The following ARHGEF10L variants were observed in gnomAD, a reference collection of about 807,000 sequenced individuals.
ARHGEF10L encodes rho guanine nucleotide exchange factor 10-like protein.
In ARHGEF10L, 69 loss-of-function variants were observed where a neutral mutation model predicts 141.2. The observed-to-expected ratio is 0.49, with a 90% CI of 0.40 to 0.60. ARHGEF10L has a LOEUF of 0.60. ARHGEF10L is among the 20% of genes least tolerant of loss of function. ARHGEF10L has a pLI of 0.00. For missense variants in ARHGEF10L, 1,482 were observed against 1,734.3 expected, an observed-to-expected ratio of 0.85 and a Z score of 2.58; for synonymous variants, 711 against 718.5, an observed-to-expected ratio of 0.99 and a Z score of 0.17.
the ARHGEF10L span, among the ~76,000 whole-genome samples, chr1:17,518,396 T>C: frequency 1.3e-5 from 2 of 152,106 alleles, no homozygotes; most frequent in East Asian, 1.9e-4. Context: ...GCAGAGCAAG[T>C]GTGTGTGGTT....
intron 4 of ARHGEF10L, among the ~76,000 whole-genome samples, chr1:17,589,973 G>A (rs2079392103): frequency 6.6e-6 from 1 of 152,108 alleles, no homozygotes. Context: ...TGGCAGAGGG[G>A]CAGGGGGAGT....
intron 4 of ARHGEF10L, among the ~76,000 whole-genome samples, chr1:17,596,936 A>T (rs1570746459): frequency 6.6e-6 from 1 of 151,966 alleles, no homozygotes; most frequent in South Asian, 2.1e-4. Flanking sequence ...ACGGGGACCT[A>T]CCCCTCCCTG....
Position 17,625,128 on chromosome 1 carries a change from G to A in ARHGEF10L, c.1317+625G>A, listed in dbSNP as rs1279923310. On this transcript the variant is annotated intron_variant, in intron 13 of 28. Transcript: ENST00000361221. This position sits in a 1 kb window ranked among gnomAD's most constrained non-coding sequence, Gnocchi z 4.5. ...CACGGCCTCAGTGGAGGAACCCACT[G>A]TCCCCATCAAAGAGAACAGGGGATC... Among the ~76,000 whole-genome samples, 2 of 152,222 alleles carry A rather than the reference G, an allele frequency of 1.3e-5. No homozygotes were observed. Among genetic ancestry groups the A allele is most frequent in the African/African-American group, 4.8e-5 (2 of 41,458 alleles).
At chr1:17,642,266 C>A (rs1002533402) in intron 21 of ARHGEF10L, among the ~76,000 whole-genome samples, 14 of 152,116 alleles carry the variant, frequency 9.2e-5, no homozygotes, top group African/African-American at 2.7e-4. Context: ...TCAGAAGCTG[C>A]ACAAATATCT....
chr1:17,545,746 C>T (rs1183798332), intron 1 of ARHGEF10L, among the ~76,000 whole-genome samples: 1 of 152,170 alleles, frequency 6.6e-6, no homozygotes, highest in Non-Finnish European at 1.5e-5. Flanking sequence ...CAGACGGTTG[C>T]TCTTGTACAT....
chr1:17,638,793 G>A, intron 20 of ARHGEF10L, 104 bp downstream of exon 20: 2 of 1,520,978 alleles, frequency 1.3e-6, no homozygotes, highest in South Asian at 1.3e-5. Context: ...TTGTCGAGAT[G>A]CCATGGTGGG....
intron 22 of ARHGEF10L, among the ~76,000 whole-genome samples, chr1:17,650,339 A>G (rs1038044001): frequency 6.6e-6 from 1 of 152,112 alleles, no homozygotes; most frequent in Non-Finnish European, 1.5e-5. Flanking sequence ...GCTTGAGCCC[A>G]GGAGGTTGAG....
chr1:17,538,511 A>G (rs2076614033), upstream of ARHGEF10L, among the ~76,000 whole-genome samples: 2 of 152,138 alleles, frequency 1.3e-5, no homozygotes, highest in South Asian at 4.1e-4. Flanking sequence ...CAAACCAACA[A>G]GTCGGTGAAT....
In ARHGEF10L at chr1:17,656,598, T is replaced by C. The variant is rs772221213; in HGVS notation, c.2750T>C (p.Val917Ala). The C allele has an allele frequency of 1.9e-6, 3 of 1,613,124 alleles. No individual in the cohort carries two copies. The highest frequency in any genetic ancestry group is 2.5e-6 in the Non-Finnish European group (3 of 1,179,864). The stretch of plus-strand genomic sequence containing the variant: ...GTGGACACTGGCACCCAGTGCCTGG[T>C]GAGCTGCAGGAGCCCAGGTCTGCAG... ...SSVDTGTQCL[V>A]SCRSPGLQPV... The change falls in exon 25 of 29, where the codon GTG becomes GCG. Residue 917 changes from valine to alanine, a missense_variant. Around this residue, in one of 3 missense-constraint regions of ARHGEF10L, gnomAD observed 858 missense variants for 966.3 expected, o/e 0.89. Coordinates refer to ENST00000361221, the MANE Select transcript of ARHGEF10L (RefSeq NM_018125.4). The surrounding 1 kb of genome is among the most constrained non-coding windows in gnomAD (Gnocchi z 4.9).
At position 17,687,660 on chromosome 1, in the gene ARHGEF10L, G is replaced by A. The variant is rs546319677; in HGVS notation, c.3097G>A (p.Gly1033Ser). The A allele has an allele frequency of 6.2e-6, 10 of 1,612,524 alleles. No homozygotes were observed. The highest frequency in any genetic ancestry group is 2.7e-5 in the African/African-American group (2 of 74,984). The change falls in exon 27 of 29, where the codon GGC (glycine) becomes AGC (serine). Residue 1033 changes from glycine to serine, a missense_variant. Transcript: ENST00000361221. ...GSGVWMAFSS[G>S]TSIRLFHTET... ...CGGCGTCTGGATGGCCTTCTCCTCC[G>A]GCACCTCCATCCGCCTCTTCCACAC... is the stretch of plus-strand genomic sequence containing the variant.
At chr1:17,552,582 T>G (rs367646555) in intron 1 of ARHGEF10L, among the ~76,000 whole-genome samples, 12,176 of 112,742 alleles carry the variant, frequency 0.11, 547 homozygotes, top group Middle Eastern at 0.16. Flanking sequence ...TTTTTTTTTT[T>G]TTTTTTTTTT....
the ARHGEF10L span, among the ~76,000 whole-genome samples, chr1:17,522,945 C>G: frequency 3.9e-5 from 6 of 152,140 alleles, no homozygotes; most frequent in Non-Finnish European, 7.3e-5. Flanking sequence ...ACCACTAATA[C>G]TAGTCATGTT....
rs2063451855 is a variant in ARHGEF10L, at chr1:17,673,405, C to G, written c.3009+8810C>G. On this transcript the variant is annotated intron_variant, in intron 26 of 28. Coordinates refer to ENST00000361221, the MANE Select transcript of ARHGEF10L (RefSeq NM_018125.4). This position sits in a 1 kb window ranked among gnomAD's most constrained non-coding sequence, Gnocchi z 4.1. Reference sequence around the variant, plus strand: ...AGTCCTTTTGGAACTTGGCAAGGAACAAATAGAGCCATGGACATGGATCCG... The same window carrying G: ...AGTCCTTTTGGAACTTGGCAAGGAAGAAATAGAGCCATGGACATGGATCCG... Among the ~76,000 whole-genome samples, 1 of 152,172 alleles carries G rather than the reference C, an allele frequency of 6.6e-6. No homozygotes were observed. Among genetic ancestry groups the G allele is most frequent in the South Asian group, 2.1e-4 (1 of 4,832 alleles).
intron 25 of ARHGEF10L, among the ~76,000 whole-genome samples, chr1:17,659,268 G>A (rs1490841586): frequency 6.6e-6 from 1 of 152,150 alleles, no homozygotes; most frequent in Non-Finnish European, 1.5e-5. Context: ...TGGCCAAGGA[G>A]GCCCCTGAGA....
intron 22 of ARHGEF10L, among the ~76,000 whole-genome samples, chr1:17,650,562 GTC>G (rs1268393091): frequency 6.6e-6 from 1 of 152,042 alleles, no homozygotes; most frequent in Non-Finnish European, 1.5e-5. Flanking sequence ...GTGAAACCCT[GTC>G]TCTACCAAAA....
In ARHGEF10L at chr1:17,627,907, C is replaced by G. The variant is rs987022421; in HGVS notation, c.1584+404C>G. Among the ~76,000 whole-genome samples the G allele has an allele frequency of 6.6e-6, 1 of 152,064 alleles. No homozygotes were observed. Among genetic ancestry groups the G allele is most frequent in the African/African-American group, 2.4e-5 (1 of 41,416 alleles). Reference sequence around the variant, plus strand: ...TTGAAATGAGGAGCATTTAATAGCACCGGAGCCCTAGGGCTGCTGCCGCAA... The same window carrying G: ...TTGAAATGAGGAGCATTTAATAGCAGCGGAGCCCTAGGGCTGCTGCCGCAA... On this transcript the variant is annotated intron_variant, in intron 15 of 28. Transcript: ENST00000361221. This position sits in a 1 kb window ranked among gnomAD's most constrained non-coding sequence, Gnocchi z 4.0.
At chr1:17,581,207 G>A (rs1469525114) in intron 2 of ARHGEF10L, among the ~76,000 whole-genome samples, 1 of 148,128 alleles carries the variant, frequency 6.8e-6, no homozygotes, top group Non-Finnish European at 1.5e-5. Context: ...AGCTACTTGA[G>A]AGGCTGAGGC....
intron 26 of ARHGEF10L, among the ~76,000 whole-genome samples, chr1:17,668,693 C>T (rs1557986873): frequency 6.6e-6 from 1 of 152,192 alleles, no homozygotes; most frequent in South Asian, 2.1e-4. Flanking sequence ...GAGCACACGC[C>T]CCCATGTGCA....
chr1:17,567,514 G>A (rs561123097), intron 1 of ARHGEF10L, among the ~76,000 whole-genome samples: 19 of 152,286 alleles, frequency 1.2e-4, no homozygotes, highest in Non-Finnish European at 2.5e-4. Context: ...TTACAGGCAT[G>A]TGCCACCATG....
Sources: gnomAD v4.1 joint callset for allele counts (sites outside exome capture counted in the v4.1 genomes callset) on GRCh38, gnomAD v4.1.1 for gene constraint, gnomAD v4.1.1 regional missense constraint, Gnocchi (gnomAD v3.1) non-coding constraint, MANE v1.5 for transcripts, NCBI Gene and HGNC (gene_info 2026-07-23, HGNC 2026-07-21) for gene names.